Variants in TIA1 observed in about 807,000 individuals in gnomAD.
TIA1 encodes the protein TIA1 cytotoxic granule associated RNA binding protein.
TIA1 carries 23 observed loss-of-function variants against 65.9 expected under a neutral mutation model. The ratio of observed to expected loss-of-function variants is 0.35; its 90% CI spans 0.25 to 0.49. The LOEUF (loss-of-function observed/expected upper bound fraction) is 0.49, where lower values mean the gene tolerates loss of function less well. TIA1 is among the 20% of genes least tolerant of loss of function. TIA1 has a pLI of 0.98. For missense variants in TIA1, 371 were observed against 477.9 expected (o/e 0.78, Z 2.09); for synonymous variants, 147 against 149.4 (o/e 0.98, Z 0.12).
intron 1 of TIA1, among the ~76,000 whole-genome samples, chr2:70,246,565 A>G (rs905530237): frequency 2.6e-5 from 4 of 152,272 alleles, no homozygotes; most frequent in Admixed American, 1.3e-4. Context: ...GATACAAGGC[A>G]AAATAAGTAA....
intron 1 of TIA1, among the ~76,000 whole-genome samples, chr2:70,247,929 G>GA (rs1695145356): frequency 6.6e-6 from 1 of 150,780 alleles, no homozygotes; most frequent in Non-Finnish European, 1.5e-5. Context: ...CCTCGAGGAG[G>GA]AAAAAAAATC....
In TIA1 at chr2:70,215,438, A is replaced by G. The variant is rs994113365; in HGVS notation, c.821T>C (p.Ile274Thr). Residue 274 changes from isoleucine to threonine, a missense_variant, in exon 11 of 13, where the codon ATT becomes ACT. Coordinates refer to ENST00000433529, the MANE Select transcript of TIA1 (RefSeq NM_022173.4). Reference sequence around the variant, plus strand: ...ATAGCATTTCACAACATGACCTTCAATGGTAGTACCATTAACAGAAACAAT... The same window carrying G: ...ATAGCATTTCACAACATGACCTTCAGTGGTAGTACCATTAACAGAAACAAT... ...HAIVSVNGTT[I>T]EGHVVKCYWG... 2.5e-6 allele frequency: 4 copies of G among 1,613,902 alleles called. No individual in the cohort carries two copies. The highest frequency in any genetic ancestry group is 2.2e-5 in the East Asian group (1 of 44,866).
intron 1 of TIA1, among the ~76,000 whole-genome samples, chr2:70,243,159 T>C (rs1373767459): frequency 3.9e-5 from 6 of 152,218 alleles, no homozygotes; most frequent in African/African-American, 1.4e-4. Flanking sequence ...CCAGGCACGG[T>C]GGCTCACACC....
At chr2:70,224,217 C>T (rs955082666) in intron 7 of TIA1, among the ~76,000 whole-genome samples, 7 of 152,176 alleles carry the variant, frequency 4.6e-5, no homozygotes, top group African/African-American at 1.7e-4. Flanking sequence ...TGCGTCCGGC[C>T]TCCTCACAGT....
rs368195694 is a variant in TIA1 at position 70,236,148 on chromosome 2, C to G, written c.54G>C (p.Val18=). The part of the protein sequence containing the change: ...TLYVGNLSRD[V]TEALILQLFS... ...AGAGTTGCAGAATTAGAGCTTCTGTCACATCTCTGGAAAGGTTACCGACGT... is the reference window on the plus strand; with the variant it reads ...AGAGTTGCAGAATTAGAGCTTCTGTGACATCTCTGGAAAGGTTACCGACGT... Residue 18 remains valine (V), a synonymous_variant, in exon 2 of 13, where the codon GTG becomes GTC. Transcript: ENST00000433529. The G allele has an allele frequency of 5.0e-6, 8 of 1,611,726 alleles. No individual in the cohort carries two copies. The highest frequency in any genetic ancestry group is 3.3e-4 in the Middle Eastern group (2 of 6,074).
At chr2:70,217,693 G>A (rs1363457525) in intron 7 of TIA1, among the ~76,000 whole-genome samples, 2 of 151,978 alleles carry the variant, frequency 1.3e-5, no homozygotes, top group East Asian at 1.9e-4. Context: ...CACTGTGCCC[G>A]GCCCTGGTCT....
Position 70,216,449 on chromosome 2 carries a change from T to C in TIA1, c.634A>G (p.Ser212Gly), listed in dbSNP as rs775706428. 3.1e-6 allele frequency: 5 copies of C among 1,614,044 alleles called. No homozygotes were observed. In the South Asian group the frequency reaches 5.5e-5, roughly 18 times the overall value. The change falls in exon 9 of 13, where the codon AGC becomes GGC. Residue 212 changes from serine to glycine, a missense_variant. Ser to Gly is a moderately conservative substitution (Grantham distance 56). Transcript: ENST00000433529. ...YDEVVNQSSPSNCTVYCGGVT... is the reference protein window; with the variant it reads ...YDEVVNQSSPGNCTVYCGGVT... The stretch of plus-strand genomic sequence containing the variant: ...CCTCCACAGTATACAGTACAGTTGC[T>C]TGGACTAGACTGATTTACAACCTCA...
At chr2:70,221,481 G>A (rs539818739) in intron 7 of TIA1, among the ~76,000 whole-genome samples, 2 of 150,126 alleles carry the variant, frequency 1.3e-5, no homozygotes, top group East Asian at 2.0e-4. Flanking sequence ...AAAAAAAAAA[G>A]AGAGATCCTA....
chr2:70,231,881 A>G (rs188032282), intron 2 of TIA1, among the ~76,000 whole-genome samples: 322 of 152,200 alleles, frequency 2.1e-3, no homozygotes, highest in Admixed American at 4.3e-3. Flanking sequence ...TCTGACATCA[A>G]TTTTTTGCTT....
intron 1 of TIA1, among the ~76,000 whole-genome samples, chr2:70,247,329 G>A (rs968745525): frequency 1.3e-5 from 2 of 152,134 alleles, no homozygotes; most frequent in Admixed American, 6.6e-5. Flanking sequence ...AATTTTGGAG[G>A]TAAAAAAACA....
chr2:70,229,040 T>A lies in TIA1; in HGVS notation c.310+19A>T. The A allele has an allele frequency of 6.3e-7, 1 of 1,593,402 alleles. No individual in the cohort carries two copies. Among genetic ancestry groups the A allele is most frequent in the Non-Finnish European group, 8.5e-7 (1 of 1,171,392 alleles). On this transcript the variant is annotated intron_variant, in intron 5 of 12. Coordinates refer to ENST00000433529, the MANE Select transcript of TIA1 (RefSeq NM_022173.4). ...CCCTTTCAAGAGATTTCATTTTATG[T>A]TTAAGAAGATACAATTACCTTGTGA...
At chr2:70,228,487 T>C in intron 5 of TIA1, 1 of 1,266,438 alleles carries the variant, frequency 7.9e-7, no homozygotes, top group Non-Finnish European at 1.0e-6. Flanking sequence ...ATGAAAACAG[T>C]AATCCCTTCA....
chr2:70,237,950 A>G (rs1468851348), intron 1 of TIA1, among the ~76,000 whole-genome samples: 1 of 152,038 alleles, frequency 6.6e-6, no homozygotes, highest in Non-Finnish European at 1.5e-5. Flanking sequence ...TCACGAGGTC[A>G]GGAGATCAAG....
intron 2 of TIA1, among the ~76,000 whole-genome samples, chr2:70,235,568 GTGTA>G (rs1288512735): frequency 6.6e-6 from 1 of 151,900 alleles, no homozygotes. Context: ...GTGTGTGTGT[GTGTA>G]TGTGTGTGTG....
chr2:70,218,096 A>G (rs1679465080), intron 7 of TIA1, among the ~76,000 whole-genome samples: 1 of 152,176 alleles, frequency 6.6e-6, no homozygotes, highest in South Asian at 2.1e-4. Flanking sequence ...AAGCAATTAC[A>G]TATTGTGGTA....
In TIA1 at chr2:70,214,651, A is replaced by AC. The variant is rs370811118; in HGVS notation, c.889-158_889-157insG. Among the ~76,000 whole-genome samples, 4,393 of 143,210 alleles carry AC rather than the reference A, an allele frequency of 0.031. 303 individuals are homozygous for AC. The highest frequency in any genetic ancestry group is 0.16 in the Admixed American group (2,198 of 13,862). The allele number at this position is 143,210 out of a possible 152,430, so 94.0% of individuals were successfully genotyped here. A position where few individuals can be genotyped will look rare whatever the true frequency, so the allele number is the denominator to read the frequency against. On this transcript the variant is annotated intron_variant, in intron 11 of 12. Transcript: ENST00000433529. ...GACTGCTAAAAAAAAAAAAAAAAAA[A>AC]AAAAAAACAAAAAACAACAACAAAA...
Position 70,209,925 on chromosome 2 carries a change from G to A in TIA1, c.*2794C>T, listed in dbSNP as rs375976154. 7.7e-6 allele frequency: 3 copies of A among 389,202 alleles called. No homozygotes were observed. The highest frequency in any genetic ancestry group is 2.1e-5 in the African/African-American group (1 of 48,422). 24.1% of individuals were successfully genotyped at this position (389,202 alleles called of 1,614,324 possible). ...TAGAACTATAACACACAAATAAAAGGAAGATGTACAAGCACAGGGACAAAA... is the reference window on the plus strand; with the variant it reads ...TAGAACTATAACACACAAATAAAAGAAAGATGTACAAGCACAGGGACAAAA... On this transcript the variant is annotated 3_prime_UTR_variant, in exon 13 of 13. Transcript: ENST00000433529.
intron 1 of TIA1, among the ~76,000 whole-genome samples, chr2:70,240,512 C>G (rs1691179770): frequency 6.6e-6 from 1 of 152,166 alleles, no homozygotes; most frequent in Admixed American, 6.5e-5. Flanking sequence ...ATCCCTTGAA[C>G]CCAGGAGTTT....
Position 70,236,245 on chromosome 2 carries a change from A to C in TIA1, c.27-70T>G, listed in dbSNP as rs373954358. On this transcript the variant is annotated intron_variant, in intron 1 of 12. Coordinates refer to ENST00000433529, the MANE Select transcript of TIA1 (RefSeq NM_022173.4). ...CAGAGTTTCACTCTTGTTGCCCAGGATAGAGTGCAATGGCACGATCTCGGC... is the reference window on the plus strand; with the variant it reads ...CAGAGTTTCACTCTTGTTGCCCAGGCTAGAGTGCAATGGCACGATCTCGGC... The C allele has an allele frequency of 1.1e-4, 108 of 984,346 alleles. 1 individual carries two copies. The South Asian group carries it at 1.4e-3, about 12-fold the overall frequency. 61.0% of individuals were successfully genotyped at this position (984,346 alleles called of 1,614,324 possible). A position where few individuals can be genotyped will look rare whatever the true frequency, so the allele number is the denominator to read the frequency against.
Sources: allele counts gnomAD v4.1 joint callset (sites outside exome capture counted in the v4.1 genomes callset), GRCh38; gene constraint gnomAD v4.1.1; transcripts MANE v1.5; gene names NCBI Gene and HGNC (gene_info 2026-07-23, HGNC 2026-07-21).